The following SPATA13 variants were observed in gnomAD, a reference collection of about 807,000 sequenced individuals.
The protein encoded by SPATA13 is spermatogenesis-associated protein 13.
In SPATA13, 50 loss-of-function variants were observed where a neutral mutation model predicts 104.0. The ratio of observed to expected loss-of-function variants is 0.48; its 90% CI spans 0.38 to 0.61. The LOEUF is 0.61. Among genes scored for constraint, SPATA13 ranks in the 20% least tolerant of loss-of-function variants. SPATA13 has a pLI of 0.00. For missense variants in SPATA13, 1,524 were observed against 1,690.6 expected, an observed-to-expected ratio of 0.90 and a Z score of 1.73; for synonymous variants, 606 against 667.5, an observed-to-expected ratio of 0.91 and a Z score of 1.42.
At chr13:24,077,065 G>A (rs913560512) in intron 3 of SPATA13, among the ~76,000 whole-genome samples, 2 of 151,888 alleles carry the variant, frequency 1.3e-5, no homozygotes, top group African/African-American at 2.4e-5. Flanking sequence ...GTTAAAATAC[G>A]ATCTCTGGTG....
intron 3 of SPATA13, among the ~76,000 whole-genome samples, chr13:24,091,215 G>A (rs1879900367): frequency 6.6e-6 from 1 of 152,216 alleles, no homozygotes; most frequent in Non-Finnish European, 1.5e-5. Context: ...AGCAAGAGGC[G>A]AGAGACTAAA....
intron 2 of SPATA13, among the ~76,000 whole-genome samples, chr13:23,987,813 T>C (rs1183439815): frequency 2.0e-5 from 3 of 152,210 alleles, no homozygotes; most frequent in African/African-American, 4.8e-5. Flanking sequence ...TCTGTCTCTA[T>C]GAATTTGGCT....
rs74437287 is a variant in SPATA13 at position 24,224,805 on chromosome 13, T to G, written c.1653+223T>G. On this transcript the variant is annotated intron_variant, in intron 2 of 12. Coordinates refer to ENST00000382108, the MANE Select transcript of SPATA13 (RefSeq NM_001166271.3). ...TAAATTGACAATGTACGAGATTCAT[T>G]GAGATGACATTTGCCACACCTTTCA... is the stretch of plus-strand genomic sequence containing the variant. The G allele has an allele frequency of 8.0e-3, 5,039 of 626,668 alleles. 363 individuals are homozygous for G. The East Asian group carries it at 0.12, about 15-fold the overall frequency. The allele number at this position is 626,668 out of a possible 1,614,324, so 38.8% of individuals were successfully genotyped here.
chr13:24,178,271 C>G (rs7325215), intron 1 of SPATA13, among the ~76,000 whole-genome samples: 117,004 of 152,146 alleles, frequency 0.77, 47,705 homozygotes, highest in East Asian at 0.92. Context: ...TGCTTGCCAC[C>G]TCTGCCACCT....
In SPATA13 at chr13:24,223,409, G is replaced by T; in HGVS notation, c.480G>T (p.Arg160Ser). 1 of 1,551,256 alleles carries T rather than the reference G, an allele frequency of 6.4e-7. No individual in the cohort carries two copies. Among genetic ancestry groups the T allele is most frequent in the African/African-American group, 1.4e-5 (1 of 73,188 alleles). Residue 160 changes from arginine (R) to serine (S), a missense_variant, in exon 2 of 13, where the codon AGG becomes AGT. Coordinates refer to ENST00000382108, the MANE Select transcript of SPATA13 (RefSeq NM_001166271.3). ...CTGTCCCAGGAGCCCAGGCAAGCAGGGGCTCCCCCTTAGCACCGGGACCAG... is the reference window on the plus strand; with the variant it reads ...CTGTCCCAGGAGCCCAGGCAAGCAGTGGCTCCCCCTTAGCACCGGGACCAG... ...NGAVPGAQAS[R>S]GSPLAPGPAC...
intron 3 of SPATA13, among the ~76,000 whole-genome samples, chr13:24,068,919 G>A (rs749001873): frequency 1.3e-5 from 2 of 152,024 alleles, no homozygotes; most frequent in African/African-American, 4.8e-5. Flanking sequence ...GACCTTTGTT[G>A]GATGCATATT....
chr13:24,207,362 T>C lies in SPATA13; in HGVS notation c.-111-15457T>C, dbSNP rs140822838. ...AACAAATCTGCACATCCCGCACATG[T>C]ACCCCTGAACTTAAAATAAAAATCG... On this transcript the variant is annotated intron_variant, in intron 1 of 12. Coordinates refer to ENST00000382108, the MANE Select transcript of SPATA13 (RefSeq NM_001166271.3). Among the ~76,000 whole-genome samples the C allele has an allele frequency of 7.5e-3, 1,141 of 152,354 alleles. 14 individuals carry two copies. Among genetic ancestry groups the C allele is most frequent in the African/African-American group, 0.026 (1,084 of 41,580 alleles).
chr13:24,291,201 CAGTAGTT>C (rs1876326228), intron 9 of SPATA13, among the ~76,000 whole-genome samples: 1 of 152,080 alleles, frequency 6.6e-6, no homozygotes, highest in African/African-American at 2.4e-5. Context: ...TTTGAGTACT[CAGTAGTT>C]AGTAAAGACG....
rs190725662 is a variant in SPATA13 at position 24,085,486 on chromosome 13, C to T, written c.-112+67785C>T. 1.5e-3 allele frequency among the ~76,000 whole-genome samples: 225 copies of T among 152,290 alleles called. 1 individual carries two copies. Among genetic ancestry groups the T allele is most frequent in the African/African-American group, 5.0e-3 (208 of 41,562 alleles). Reference sequence around the variant, plus strand: ...TTAGAAACGTCCAGAGGGGCAGTGCCGTCTGGAAGCCCTGCCCTGTGGGGA... The same window carrying T: ...TTAGAAACGTCCAGAGGGGCAGTGCTGTCTGGAAGCCCTGCCCTGTGGGGA... On this transcript the variant is annotated intron_variant, in intron 3 of 14. Transcript: ENST00000424834.
chr13:24,220,106 G>T (rs1050608779), intron 1 of SPATA13, among the ~76,000 whole-genome samples: 14 of 152,022 alleles, frequency 9.2e-5, no homozygotes, highest in Non-Finnish European at 2.1e-4. Context: ...CATGGGACCC[G>T]CACAGACGCT....
rs1443952827 is a variant in SPATA13, at chr13:24,278,869, TTTCTTTCCTTCC to T, written c.2165-5262_2165-5251del. ...CCTTGCATGAAGTCCACATGCTGTT[TTTCTTTCCTTCC>T]TTCCTTCCTTCCTTCCTTCCTTCCT... is the stretch of plus-strand genomic sequence containing the variant. On this transcript the variant is annotated intron_variant, in intron 4 of 12. Transcript: ENST00000382108. The T allele has an allele frequency of 4.3e-5, 61 of 1,423,964 alleles. 1 individual carries two copies. The highest frequency in any genetic ancestry group is 1.1e-4 in the South Asian group (8 of 74,254). The allele number at this position is 1,423,964 out of a possible 1,614,324, so 88.2% of individuals were successfully genotyped here. A position where few individuals can be genotyped will look rare whatever the true frequency, so the allele number is the denominator to read the frequency against.
At chr13:24,127,955 C>CA (rs1202182685) in intron 3 of SPATA13, among the ~76,000 whole-genome samples, 1 of 152,232 alleles carries the variant, frequency 6.6e-6, no homozygotes, top group East Asian at 1.9e-4. Flanking sequence ...GAACGAACAG[C>CA]ATTTACAGTA....
chr13:24,198,458 C>G (rs543545341), intron 1 of SPATA13, among the ~76,000 whole-genome samples: 26 of 152,278 alleles, frequency 1.7e-4, no homozygotes, highest in African/African-American at 5.5e-4. Context: ...GAAAAAGAGT[C>G]TAGAGGTCTC....
At position 24,088,554 on chromosome 13, in the gene SPATA13, C is replaced by T. The variant is rs1026895482; in HGVS notation, c.-112+70853C>T. Among the ~76,000 whole-genome samples, 1 of 152,152 alleles carries T rather than the reference C, an allele frequency of 6.6e-6. No individual in the cohort carries two copies. The highest frequency in any genetic ancestry group is 2.4e-5 in the African/African-American group (1 of 41,420). On this transcript the variant is annotated intron_variant, in intron 3 of 14. Coordinates refer to the SPATA13 transcript ENST00000424834. The surrounding 1 kb of genome is among the most constrained non-coding windows in gnomAD (Gnocchi z 4.3). ...AAGACTGGCAGAATCTCAATACTGT[C>T]CCAGCAGGTGGCAACTGCACTCATT...
At chr13:23,993,973 T>G (rs1460126074) in intron 2 of SPATA13, among the ~76,000 whole-genome samples, 1 of 120,078 alleles carries the variant, frequency 8.3e-6, no homozygotes, top group African/African-American at 3.3e-5. Context: ...TGGTGGTGTT[T>G]TTTTTTTTTT....
Position 24,223,043 on chromosome 13 carries a change from C to A in SPATA13, c.114C>A (p.Asp38Glu). The A allele has an allele frequency of 6.4e-7, 1 of 1,551,728 alleles. No homozygotes were observed. Among genetic ancestry groups the A allele is most frequent in the Non-Finnish European group, 8.7e-7 (1 of 1,146,998 alleles). Residue 38 changes from aspartate (D) to glutamate (E), a missense_variant, in exon 2 of 13, where the codon GAC becomes GAA. Physicochemically the swap from Asp to Glu is conservative, Grantham distance 45 (BLOSUM62 2). Coordinates refer to ENST00000382108, the MANE Select transcript of SPATA13 (RefSeq NM_001166271.3). ...AAPCAGSDLK[D>E]AKMVTSLACG... The stretch of plus-strand genomic sequence containing the variant: ...CCTGTGCAGGCTCGGACCTGAAAGA[C>A]GCCAAGATGGTGACCTCCCTTGCGT...
intron 1 of SPATA13, among the ~76,000 whole-genome samples, chr13:24,199,251 C>A (rs1870268888): frequency 6.6e-6 from 1 of 152,168 alleles, no homozygotes; most frequent in African/African-American, 2.4e-5. Context: ...CCCACGCCAG[C>A]TGCAATCCAT....
intron 1 of SPATA13, among the ~76,000 whole-genome samples, chr13:24,188,893 A>G (rs1272493645): frequency 6.6e-6 from 1 of 152,202 alleles, no homozygotes; most frequent in Non-Finnish European, 1.5e-5. Flanking sequence ...TGAAAATCCT[A>G]GGCCTGTAGA....
chr13:24,127,069 CT>C (rs1196387175), intron 3 of SPATA13, among the ~76,000 whole-genome samples: 1 of 152,100 alleles, frequency 6.6e-6, no homozygotes, highest in African/African-American at 2.4e-5. Flanking sequence ...ATATTACCTC[CT>C]TAAAGCATTG....
Sources: gnomAD v4.1 joint callset for allele counts (sites outside exome capture counted in the v4.1 genomes callset) on GRCh38, gnomAD v4.1.1 for gene constraint, Gnocchi (gnomAD v3.1) non-coding constraint, MANE v1.5 for transcripts, NCBI Gene and HGNC (gene_info 2026-07-23, HGNC 2026-07-21) for gene names.